ZNF804A: variants seen among roughly 807,000 people sequenced by gnomAD.
The protein encoded by ZNF804A is zinc finger protein 804A.
In ZNF804A, 2 loss-of-function variants were observed where a neutral mutation model predicts 16.5. That is an observed-to-expected ratio of 0.12 (90% CI 0.05 to 0.38). The LOEUF is 0.38. ZNF804A is among the 10% of genes least tolerant of loss of function. The pLI is 0.99. For missense variants in ZNF804A, 1,473 were observed against 1,390.7 expected, an observed-to-expected ratio of 1.06 and a Z score of -0.94; for synonymous variants, 534 against 489.6, an observed-to-expected ratio of 1.09 and a Z score of -1.20.
intron 1 of ZNF804A, among the ~76,000 whole-genome samples, chr2:184,658,244 G>A (rs1574150311): frequency 6.6e-6 from 1 of 152,226 alleles, no homozygotes; most frequent in East Asian, 1.9e-4. Flanking sequence ...TGCACTTTGG[G>A]AGGCCAAGGC....
At chr2:184,890,383 C>A (rs16826270) in intron 2 of ZNF804A, among the ~76,000 whole-genome samples, 6,140 of 152,164 alleles carry the variant, frequency 0.04, 401 homozygotes, top group African/African-American at 0.14. Context: ...AAGCTATCAA[C>A]AATGTTGCAG....
intron 1 of ZNF804A, among the ~76,000 whole-genome samples, chr2:184,749,943 A>T (rs1038908953): frequency 5.9e-5 from 9 of 151,336 alleles, no homozygotes; most frequent in African/African-American, 2.2e-4. Context: ...TACTGCTGTC[A>T]GAACATTTTA....
chr2:184,874,462 A>G (rs1423340569), intron 2 of ZNF804A, among the ~76,000 whole-genome samples: 1 of 152,120 alleles, frequency 6.6e-6, no homozygotes, highest in African/African-American at 2.4e-5. Flanking sequence ...CTGCCCTATT[A>G]CAGATATAGA....
intron 1 of ZNF804A, among the ~76,000 whole-genome samples, chr2:184,776,088 G>A (rs533102950): frequency 6.6e-6 from 1 of 151,538 alleles, no homozygotes; most frequent in African/African-American, 2.4e-5. Context: ...GTAAATGCAG[G>A]GGTAATAAAA....
At chr2:184,678,168 C>A (rs562431548) in intron 1 of ZNF804A, among the ~76,000 whole-genome samples, 1 of 151,858 alleles carries the variant, frequency 6.6e-6, no homozygotes, top group South Asian at 2.1e-4. Context: ...TTATAACTTT[C>A]GAGAGCATTA....
chr2:184,700,325 A>G (rs984053467), intron 1 of ZNF804A, among the ~76,000 whole-genome samples: 2 of 152,036 alleles, frequency 1.3e-5, no homozygotes, highest in Non-Finnish European at 2.9e-5. Context: ...CAGTCCTATA[A>G]TTTCCCATAC....
intron 1 of ZNF804A, among the ~76,000 whole-genome samples, chr2:184,785,783 A>G (rs1192872352): frequency 6.6e-6 from 1 of 152,100 alleles, no homozygotes; most frequent in Non-Finnish European, 1.5e-5. Context: ...ATATCTGTGC[A>G]TATATAAATG....
At chr2:184,706,903 A>G (rs1288812420) in intron 1 of ZNF804A, among the ~76,000 whole-genome samples, 1 of 152,234 alleles carries the variant, frequency 6.6e-6, no homozygotes, top group East Asian at 1.9e-4. Context: ...CATGAATATC[A>G]TTGGGAAGTA....
chr2:184,639,337 G>A (rs1265953195), intron 1 of ZNF804A, among the ~76,000 whole-genome samples: 1 of 151,928 alleles, frequency 6.6e-6, no homozygotes, highest in African/African-American at 2.4e-5. Context: ...GCCTCCCAAA[G>A]TGTTGAGATT....
chr2:184,650,154 T>C (rs1237655255), intron 1 of ZNF804A, among the ~76,000 whole-genome samples: 1 of 152,006 alleles, frequency 6.6e-6, no homozygotes, highest in Non-Finnish European at 1.5e-5. Context: ...GTTGGGTCAA[T>C]ATACACAAAT....
chr2:184,699,412 A>G (rs1692884714), intron 1 of ZNF804A, among the ~76,000 whole-genome samples: 2 of 152,210 alleles, frequency 1.3e-5, no homozygotes, highest in African/African-American at 4.8e-5. Flanking sequence ...TTAGATAGAA[A>G]ATTAAATGGT....
At position 184,938,892 on chromosome 2, in the gene ZNF804A, C is replaced by T. The variant is rs138352213; in HGVS notation, c.3496C>T (p.Pro1166Ser). 1.2e-6 allele frequency: 2 copies of T among 1,614,018 alleles called. No homozygotes were observed. Among genetic ancestry groups the T allele is most frequent in the Admixed American group, 1.7e-5 (1 of 59,982 alleles). The change falls in exon 4 of 4, where the codon CCT becomes TCT. Residue 1166 changes from proline to serine, a missense_variant. Pro to Ser is a moderately conservative substitution (Grantham distance 74). Transcript: ENST00000302277. ...TGGGAACCAGCCAACTTTTGTTGCT[C>T]CTCCTCAGATGCCAATCATTCCAGC... ...CPGNQPTFVA[P>S]PQMPIIPASV...
intron 1 of ZNF804A, among the ~76,000 whole-genome samples, chr2:184,798,993 G>A (rs891003751): frequency 2.0e-5 from 3 of 151,950 alleles, no homozygotes; most frequent in Non-Finnish European, 4.4e-5. Context: ...TGCAATGATT[G>A]CTGTCTCTGT....
At chr2:184,834,602 A>G (rs1013317147) in intron 1 of ZNF804A, among the ~76,000 whole-genome samples, 1 of 152,072 alleles carries the variant, frequency 6.6e-6, no homozygotes, top group Non-Finnish European at 1.5e-5. Flanking sequence ...ATACAGATAT[A>G]TTCAATTCTA....
At chr2:184,812,412 G>A (rs568940012) in intron 1 of ZNF804A, among the ~76,000 whole-genome samples, 4 of 152,148 alleles carry the variant, frequency 2.6e-5, no homozygotes, top group African/African-American at 9.6e-5. Flanking sequence ...CCCCTTAATA[G>A]TTTCGGTGAA....
Position 184,607,936 on chromosome 2 carries a change from C to CTTTTT in ZNF804A, c.111+8889_111+8893dup, listed in dbSNP as rs34262998. ...CACCATGGAGAACCTTGATGCATCT[C>CTTTTT]TTTTTTTTTTTTTTTTTTTTTTTTT... On this transcript the variant is annotated intron_variant, in intron 1 of 3. Transcript: ENST00000302277. Among the ~76,000 whole-genome samples the CTTTTT allele has an allele frequency of 9.6e-3, 630 of 65,644 alleles. 155 individuals are homozygous for CTTTTT. Among genetic ancestry groups the CTTTTT allele is most frequent in the Non-Finnish European group, 0.011 (415 of 38,506 alleles). 43.1% of individuals were successfully genotyped at this position (65,644 alleles called of 152,430 possible).
At chr2:184,915,630 G>C (rs1416326354) in intron 2 of ZNF804A, among the ~76,000 whole-genome samples, 1 of 152,074 alleles carries the variant, frequency 6.6e-6, no homozygotes, top group Non-Finnish European at 1.5e-5. Context: ...AAAATGAACT[G>C]AATGGTCAGA....
intron 1 of ZNF804A, among the ~76,000 whole-genome samples, chr2:184,801,458 A>G (rs1391124872): frequency 6.6e-6 from 1 of 151,980 alleles, no homozygotes; most frequent in Non-Finnish European, 1.5e-5. Context: ...TAGTCTCACA[A>G]TTTTTCAATG....
At chr2:184,766,078 C>T in intron 1 of ZNF804A, among the ~76,000 whole-genome samples, 1 of 151,914 alleles carries the variant, frequency 6.6e-6, no homozygotes, top group East Asian at 1.9e-4. Flanking sequence ...TAATTTTGCC[C>T]CACAACATGT....
Sources: gnomAD v4.1 joint callset for allele counts (sites outside exome capture counted in the v4.1 genomes callset) on GRCh38, gnomAD v4.1.1 for gene constraint, MANE v1.5 for transcripts, NCBI Gene and HGNC (gene_info 2026-07-23, HGNC 2026-07-21) for gene names.